Variants in COG6 observed in about 807,000 individuals in gnomAD.
The protein encoded by COG6 is component of oligomeric golgi complex 6, also known as conserved oligomeric Golgi complex subunit 6.
COG6 carries 74 observed loss-of-function variants against 88.8 expected under a neutral mutation model. The observed-to-expected ratio is 0.83, with a 90% CI of 0.69 to 1.01. COG6 has a LOEUF of 1.01. COG6 is among the 50% of genes least tolerant of loss of function. COG6 has a pLI of 0.00. For missense variants in COG6, 800 were observed against 797.9 expected (o/e 1.00, Z -0.03); for synonymous variants, 286 against 278.7 (o/e 1.03, Z -0.26).
intron 18 of COG6, among the ~76,000 whole-genome samples, chr13:39,787,631 T>A (rs1222463243): frequency 6.6e-6 from 1 of 152,150 alleles, no homozygotes; most frequent in Admixed American, 6.5e-5. Context: ...CACATATACA[T>A]ATATACACAT....
chr13:39,750,203 C>T (rs1392087467), intron 18 of COG6, among the ~76,000 whole-genome samples: 2 of 152,104 alleles, frequency 1.3e-5, no homozygotes, highest in Admixed American at 6.6e-5. Context: ...CCATGAGTAC[C>T]GTTAGTACCA....
intron 6 of COG6, 37 bp downstream of exon 6, chr13:39,679,657 T>C: frequency 8.1e-7 from 1 of 1,240,174 alleles, no homozygotes; most frequent in Non-Finnish European, 1.2e-6. Flanking sequence ...GCATTGCTGC[T>C]TATGTTTCCA....
chr13:39,776,202 T>C (rs1016247946), intron 18 of COG6, among the ~76,000 whole-genome samples: 1 of 152,140 alleles, frequency 6.6e-6, no homozygotes, highest in Non-Finnish European at 1.5e-5. Flanking sequence ...GCTTTGTTTC[T>C]AGGAACTCTG....
intron 18 of COG6, among the ~76,000 whole-genome samples, chr13:39,765,109 A>G (rs923460979): frequency 2.6e-5 from 4 of 151,576 alleles, no homozygotes; most frequent in Non-Finnish European, 4.4e-5. Flanking sequence ...CATTTTTGCT[A>G]TTAAAGTTTT....
chr13:39,748,417 C>T (rs1425783117), intron 18 of COG6, among the ~76,000 whole-genome samples: 1 of 151,978 alleles, frequency 6.6e-6, no homozygotes, highest in Non-Finnish European at 1.5e-5. Context: ...GATTTTGAGA[C>T]CAGCCTTGCC....
At chr13:39,660,144 GT>G (rs1874804719) in intron 2 of COG6, among the ~76,000 whole-genome samples, 1 of 152,086 alleles carries the variant, frequency 6.6e-6, no homozygotes, top group African/African-American at 2.4e-5. Flanking sequence ...ACCTTGGTAG[GT>G]TTTTATTGAC....
intron 18 of COG6, among the ~76,000 whole-genome samples, chr13:39,730,771 CTCAAAA>C (rs1443104682): frequency 4.2e-4 from 3 of 7,198 alleles, no homozygotes; most frequent in African/African-American, 1.3e-3. Context: ...AAGACTCCAT[CTCAAAA>C]AAAAAAAAAA....
chr13:39,709,976 T>C (rs1446152196), intron 13 of COG6, among the ~76,000 whole-genome samples: 1 of 152,198 alleles, frequency 6.6e-6, no homozygotes, highest in Non-Finnish European at 1.5e-5. Context: ...ATTGATTTAT[T>C]TTAGATTATT....
chr13:39,680,173 T>C, intron 7 of COG6, 128 bp downstream of exon 7: 2 of 627,264 alleles, frequency 3.2e-6, no homozygotes, highest in Middle Eastern at 4.3e-4. Context: ...AAAAATAGTA[T>C]TTGTATTTGG....
chr13:39,685,408 C>T (rs1354057833), intron 8 of COG6, among the ~76,000 whole-genome samples: 2 of 152,114 alleles, frequency 1.3e-5, no homozygotes, highest in African/African-American at 4.8e-5. Context: ...GGAGGATTGA[C>T]ATTAATATTA....
chr13:39,656,119 G>T (rs760272026), intron 1 of COG6: 3 of 657,492 alleles, frequency 4.6e-6, no homozygotes, highest in Admixed American at 4.1e-5. Flanking sequence ...CTGAAAAGGT[G>T]CCTTCAAGGC....
chr13:39,769,684 A>G (rs1418273212), intron 18 of COG6, among the ~76,000 whole-genome samples: 1 of 152,196 alleles, frequency 6.6e-6, no homozygotes, highest in African/African-American at 2.4e-5. Flanking sequence ...GTCTCCCCTG[A>G]AATTCATATG....
intron 12 of COG6, among the ~76,000 whole-genome samples, chr13:39,695,786 A>T (rs1021984619): frequency 6.6e-6 from 1 of 151,948 alleles, no homozygotes; most frequent in Non-Finnish European, 1.5e-5. Context: ...TTAATATTTT[A>T]GATATAAACT....
At chr13:39,786,178 G>C (rs1566049133) in intron 18 of COG6, among the ~76,000 whole-genome samples, 1 of 152,178 alleles carries the variant, frequency 6.6e-6, no homozygotes, top group Admixed American at 6.5e-5. Flanking sequence ...AGTGAGAAGA[G>C]AGGAGGAAAT....
intron 8 of COG6, 96 bp from the exon 9 acceptor site, chr13:39,687,407 T>C: frequency 8.7e-7 from 1 of 1,146,632 alleles, no homozygotes; most frequent in Non-Finnish European, 1.3e-6. Context: ...TTTAAGTGCT[T>C]TTTAAGTACT....
At chr13:39,667,448 A>T (rs1875344116) in intron 4 of COG6, among the ~76,000 whole-genome samples, 1 of 152,174 alleles carries the variant, frequency 6.6e-6, no homozygotes, top group South Asian at 2.1e-4. Context: ...AAATTTAGGA[A>T]GTCTGGCCTT....
intron 13 of COG6, among the ~76,000 whole-genome samples, chr13:39,706,215 T>TTATATATATATATATACTCCTTTA (rs141224881): frequency 2.4e-5 from 3 of 126,728 alleles, no homozygotes; most frequent in Non-Finnish European, 4.9e-5. Context: ...ATATACTCCT[T>TTATATATATATATATACTCCTTTA]TATATATATA....
intron 13 of COG6, among the ~76,000 whole-genome samples, chr13:39,710,288 C>T (rs1323851782): frequency 6.6e-6 from 1 of 151,996 alleles, no homozygotes; most frequent in East Asian, 1.9e-4. Context: ...TTATTTTACA[C>T]ATATGTATTT....
intron 18 of COG6, among the ~76,000 whole-genome samples, chr13:39,732,741 A>C (rs1879520112): frequency 6.6e-6 from 1 of 152,186 alleles, no homozygotes; most frequent in African/African-American, 2.4e-5. Flanking sequence ...AAATAGATGG[A>C]GTCTTAGAGA....
Sources: allele counts gnomAD v4.1 joint callset (sites outside exome capture counted in the v4.1 genomes callset), GRCh38; gene constraint gnomAD v4.1.1; transcripts MANE v1.5; gene names NCBI Gene and HGNC (gene_info 2026-07-23, HGNC 2026-07-21).